The following RANBP10 variants were observed in gnomAD, a reference collection of about 807,000 sequenced individuals.
RANBP10 encodes the protein RAN binding protein 10.
Under a neutral mutation model 72.8 loss-of-function variants are expected in RANBP10, and 24 were observed. The observed-to-expected ratio is 0.33, with a 90% CI of 0.24 to 0.46. RANBP10 has a LOEUF of 0.46. RANBP10 is among the 20% of genes least tolerant of loss of function. The probability of loss-of-function intolerance (pLI) is 1.00; values close to 1 mark genes in which losing one functional copy is unlikely to be tolerated. For synonymous variants in RANBP10, 310 were observed against 322.3 expected (o/e 0.96, Z 0.41); for missense variants, 679 against 817.5 (o/e 0.83, Z 2.07).
chr16:67,737,923 C>T (rs2053886288), intron 5 of RANBP10, 90 bp downstream of exon 5: 3 of 1,475,884 alleles, frequency 2.0e-6, no homozygotes, highest in South Asian at 1.2e-5. Context: ...AAGAACCAGA[C>T]TCCACACCCT....
At chr16:67,796,641 T>C (rs2055140010) in intron 2 of RANBP10, among the ~76,000 whole-genome samples, 1 of 152,192 alleles carries the variant, frequency 6.6e-6, no homozygotes, top group African/African-American at 2.4e-5. Flanking sequence ...GCTGAGGGTA[T>C]TGTGGGGTAT....
intron 3 of RANBP10, among the ~76,000 whole-genome samples, chr16:67,748,015 C>T (rs1378682334): frequency 2.7e-5 from 4 of 150,060 alleles, no homozygotes; most frequent in Non-Finnish European, 4.4e-5. Flanking sequence ...TTAGTAGAGA[C>T]GGGGTTTCAC....
intron 2 of RANBP10, among the ~76,000 whole-genome samples, chr16:67,777,074 G>T (rs2054719947): frequency 6.6e-6 from 1 of 151,962 alleles, no homozygotes; most frequent in Admixed American, 6.6e-5. Context: ...GCCGGGCGTG[G>T]TGGTGCATGC....
At chr16:67,787,164 G>A (rs977615628) in intron 2 of RANBP10, among the ~76,000 whole-genome samples, 8 of 152,048 alleles carry the variant, frequency 5.3e-5, no homozygotes, top group African/African-American at 1.2e-4. Flanking sequence ...ACTTGAACCC[G>A]GGAGGCAAAA....
intron 3 of RANBP10, among the ~76,000 whole-genome samples, chr16:67,747,711 G>A (rs1228850443): frequency 6.6e-6 from 1 of 151,878 alleles, no homozygotes; most frequent in Non-Finnish European, 1.5e-5. Flanking sequence ...CACCATGTTG[G>A]CCAGGCTGGT....
intron 3 of RANBP10, among the ~76,000 whole-genome samples, chr16:67,761,970 A>C (rs1042731920): frequency 2.6e-5 from 4 of 152,216 alleles, no homozygotes; most frequent in African/African-American, 4.8e-5. Flanking sequence ...AGAATAGCTA[A>C]TACAGCTGAG....
chr16:67,794,622 A>G (rs1046335631), intron 2 of RANBP10, among the ~76,000 whole-genome samples: 19 of 145,428 alleles, frequency 1.3e-4, no homozygotes, highest in African/African-American at 4.8e-4. Context: ...TCCCAGGTTC[A>G]ACCAATTCTC....
intron 6 of RANBP10, among the ~76,000 whole-genome samples, chr16:67,732,000 G>T (rs74026426): frequency 0.055 from 8,355 of 152,252 alleles, 670 homozygotes; most frequent in African/African-American, 0.18. Context: ...AGGTAATCTG[G>T]CAGATTTCCA....
At chr16:67,806,223 T>C in intron 1 of RANBP10, 79 bp downstream of exon 1, 2 of 1,333,820 alleles carry the variant, frequency 1.5e-6, no homozygotes, top group Non-Finnish European at 2.0e-6. Flanking sequence ...GAAAGGGAGG[T>C]GATAGGGCGG....
chr16:67,789,164 G>T (rs2054978286), intron 2 of RANBP10, among the ~76,000 whole-genome samples: 1 of 151,342 alleles, frequency 6.6e-6, no homozygotes, highest in Non-Finnish European at 1.5e-5. Flanking sequence ...ACAAAATTTA[G>T]CCAGGTGTGG....
chr16:67,765,383 G>A (rs959612701), intron 3 of RANBP10, among the ~76,000 whole-genome samples: 3 of 151,894 alleles, frequency 2.0e-5, no homozygotes, highest in Non-Finnish European at 4.4e-5. Context: ...AAAATTAGCT[G>A]GGCGTGGTGG....
At chr16:67,731,174 G>A (rs1023096671) in intron 7 of RANBP10, 1 of 342,906 alleles carries the variant, frequency 2.9e-6, no homozygotes, top group South Asian at 2.8e-5. Context: ...GATTCAGGGG[G>A]AAGGAAACAA....
At chr16:67,773,325 C>T (rs1303937070) in intron 2 of RANBP10, among the ~76,000 whole-genome samples, 1 of 152,204 alleles carries the variant, frequency 6.6e-6, no homozygotes, top group Non-Finnish European at 1.5e-5. Context: ...GTAAGCTTCT[C>T]CAGGCCTTTG....
intron 1 of RANBP10, among the ~76,000 whole-genome samples, chr16:67,806,062 C>T (rs1479913919): frequency 6.6e-6 from 1 of 152,244 alleles, no homozygotes; most frequent in African/African-American, 2.4e-5. Flanking sequence ...GTGGAAGGTC[C>T]GGCCCAGCAC....
Position 67,727,848 on chromosome 16 carries a change from G to A in RANBP10, c.1523C>T (p.Thr508Ile). ...RQLCGGNQAA[T>I]ERIILFGREL... ...GCGGCCAAACAGAATGATCCTTTCT[G>A]TGGCAGCCTGGTTGCCCCCGCAGAG... The change falls in exon 12 of 14, where the codon ACA becomes ATA. Residue 508 changes from threonine to isoleucine, a missense_variant. Coordinates refer to ENST00000317506, the MANE Select transcript of RANBP10 (RefSeq NM_020850.3). 6.2e-7 allele frequency: 1 copy of A among 1,614,120 alleles called. No individual in the cohort carries two copies. The highest frequency in any genetic ancestry group is 8.5e-7 in the Non-Finnish European group (1 of 1,180,036).
Position 67,729,378 on chromosome 16 carries a change from G to C in RANBP10, c.1254C>G (p.Ser418=), listed in dbSNP as rs756994417. Residue 418 remains serine (S), a synonymous_variant, in exon 10 of 14, where the codon TCC becomes TCG. Coordinates refer to ENST00000317506, the MANE Select transcript of RANBP10 (RefSeq NM_020850.3). The surrounding 1 kb of genome is among the most constrained non-coding windows in gnomAD (Gnocchi z 7.1). ...PSSSSSSSSS[S]SSSSPSSVNY... is the part of the protein sequence containing the mutation. Reference sequence around the variant, plus strand: ...TGACGGAGGATGGGGAAGAGGACGAGGAGGAGGAGGAGGACGAGGATGAGG... The same window carrying C: ...TGACGGAGGATGGGGAAGAGGACGACGAGGAGGAGGAGGACGAGGATGAGG... 10 of 1,519,782 alleles carry C rather than the reference G, an allele frequency of 6.6e-6. No individual in the cohort carries two copies. The African/African-American group carries it at 9.7e-5, about 15-fold the overall frequency. 94.1% of individuals were successfully genotyped at this position (1,519,782 alleles called of 1,614,324 possible). A position where few individuals can be genotyped will look rare whatever the true frequency, so the allele number is the denominator to read the frequency against.
In RANBP10 at chr16:67,775,769, G is replaced by A. The variant is rs1049122030; in HGVS notation, c.348-3683C>T. The stretch of plus-strand genomic sequence containing the variant: ...GCAGTAAGCAAGATTGTGCCACTGG[G>A]TGACAGAGTGAGACTCCGTCTAAAA... On this transcript the variant is annotated intron_variant, in intron 2 of 13. Coordinates refer to ENST00000317506, the MANE Select transcript of RANBP10 (RefSeq NM_020850.3). Among the ~76,000 whole-genome samples, 6 of 147,828 alleles carry A rather than the reference G, an allele frequency of 4.1e-5. No homozygotes were observed. In the South Asian group the frequency reaches 1.3e-3, roughly 32 times the overall value.
At chr16:67,787,076 T>C (rs2054929677) in intron 2 of RANBP10, among the ~76,000 whole-genome samples, 1 of 151,962 alleles carries the variant, frequency 6.6e-6, no homozygotes, top group Non-Finnish European at 1.5e-5. Flanking sequence ...CTGTCTCTAC[T>C]AAAAATACAA....
At chr16:67,773,284 T>G (rs900336520) in intron 2 of RANBP10, among the ~76,000 whole-genome samples, 9 of 152,308 alleles carry the variant, frequency 5.9e-5, no homozygotes, top group Middle Eastern at 3.4e-3. Context: ...CCATGTGACA[T>G]GCTGGCTCCT....
Sources: allele counts gnomAD v4.1 joint callset (sites outside exome capture counted in the v4.1 genomes callset), GRCh38; gene constraint gnomAD v4.1.1; non-coding constraint Gnocchi (gnomAD v3.1); transcripts MANE v1.5; gene names NCBI Gene and HGNC (gene_info 2026-07-23, HGNC 2026-07-21).